The following FTO variants were observed in gnomAD, a reference collection of about 807,000 sequenced individuals.
The protein encoded by FTO is alpha-ketoglutarate-dependent dioxygenase FTO.
Under a neutral mutation model 63.9 loss-of-function variants are expected in FTO, and 47 were observed. That is an observed-to-expected ratio of 0.74 (90% confidence interval 0.58 to 0.94). The LOEUF (loss-of-function observed/expected upper bound fraction) is 0.94. Among genes scored for constraint, FTO ranks in the 40% least tolerant of loss-of-function variants. The pLI is 0.00. For missense variants in FTO, 562 were observed against 618.1 expected, an observed-to-expected ratio of 0.91 and a Z score of 0.96; for synonymous variants, 207 against 224.4, an observed-to-expected ratio of 0.92 and a Z score of 0.69.
chr16:53,850,009 A>C (rs2079742924), intron 4 of FTO, among the ~76,000 whole-genome samples: 1 of 152,226 alleles, frequency 6.6e-6, no homozygotes, highest in African/African-American at 2.4e-5. Flanking sequence ...AGTACACATA[A>C]TTTATGGCTT....
At chr16:53,832,390 C>T (rs1468231769) in intron 3 of FTO, among the ~76,000 whole-genome samples, 1 of 152,152 alleles carries the variant, frequency 6.6e-6, no homozygotes, top group Non-Finnish European at 1.5e-5. Context: ...CTTTGCAATT[C>T]CTCTTCCTGA....
chr16:53,722,411 G>C (rs2076061365), intron 1 of FTO, among the ~76,000 whole-genome samples: 1 of 152,148 alleles, frequency 6.6e-6, no homozygotes, highest in Non-Finnish European at 1.5e-5. Flanking sequence ...TTGTCAAATG[G>C]AAACATGTAT....
chr16:53,821,200 G>T (rs1174697237), intron 2 of FTO, among the ~76,000 whole-genome samples: 1 of 152,102 alleles, frequency 6.6e-6, no homozygotes, highest in African/African-American at 2.4e-5. Context: ...TCCTTTCTTA[G>T]TCCCAGAGGG....
intron 1 of FTO, among the ~76,000 whole-genome samples, chr16:53,721,595 T>C (rs776480277): frequency 8.5e-5 from 13 of 152,192 alleles, no homozygotes; most frequent in Non-Finnish European, 1.5e-4. Flanking sequence ...ATCAAGTAAG[T>C]CTCTTTTACT....
chr16:54,002,097 T>C (rs1380905951), intron 8 of FTO, among the ~76,000 whole-genome samples: 1 of 152,228 alleles, frequency 6.6e-6, no homozygotes, highest in African/African-American at 2.4e-5. Context: ...TGTCCAGCAG[T>C]CCTTTTATCT....
intron 8 of FTO, among the ~76,000 whole-genome samples, chr16:54,018,409 G>GATAGATACATACATAC (rs1474063795): frequency 1.4e-5 from 2 of 142,144 alleles, no homozygotes; most frequent in African/African-American, 5.5e-5. Flanking sequence ...TAGATAGATA[G>GATAGATACATACATAC]ATACATACAT....
intron 4 of FTO, among the ~76,000 whole-genome samples, chr16:53,872,837 C>T (rs1334468924): frequency 6.6e-6 from 1 of 152,126 alleles, no homozygotes; most frequent in Non-Finnish European, 1.5e-5. Flanking sequence ...GATGCCATTG[C>T]TGGAAACATT....
intron 8 of FTO, among the ~76,000 whole-genome samples, chr16:54,049,017 T>A (rs1265093020): frequency 6.6e-6 from 1 of 152,200 alleles, no homozygotes; most frequent in Non-Finnish European, 1.5e-5. Flanking sequence ...TTTCATTCTT[T>A]CTTTCTTTTT....
At chr16:53,982,086 AAAC>A (rs1365051284) in intron 8 of FTO, among the ~76,000 whole-genome samples, 6 of 151,644 alleles carry the variant, frequency 4.0e-5, no homozygotes, top group Non-Finnish European at 7.4e-5. Context: ...TTAAAAAAAA[AAAC>A]AAAAAACAAG....
At chr16:53,995,815 A>C (rs566985840) in intron 8 of FTO, among the ~76,000 whole-genome samples, 32 of 152,272 alleles carry the variant, frequency 2.1e-4, no homozygotes, top group African/African-American at 7.5e-4. Flanking sequence ...GGGTTAAGCC[A>C]GTCATCGAAT....
intron 7 of FTO, among the ~76,000 whole-genome samples, chr16:53,923,974 G>A (rs1331343036): frequency 2.0e-5 from 3 of 152,050 alleles, no homozygotes; most frequent in African/African-American, 4.8e-5. Context: ...GAGAGAGATG[G>A]GAGATATGGT....
chr16:54,035,662 A>G (rs1160321934), intron 8 of FTO, among the ~76,000 whole-genome samples: 6 of 152,190 alleles, frequency 3.9e-5, no homozygotes. Flanking sequence ...GTGTGTTTCA[A>G]GGCCTTTTCA....
At chr16:53,947,253 G>A (rs1567463284) in intron 8 of FTO, among the ~76,000 whole-genome samples, 1 of 152,176 alleles carries the variant, frequency 6.6e-6, no homozygotes, top group Non-Finnish European at 1.5e-5. Flanking sequence ...AATCCCTGGT[G>A]GTTTCACTTT....
upstream of FTO, chr16:53,704,081 GC>G (rs1302930533): frequency 3.3e-6 from 4 of 1,200,612 alleles, no homozygotes; most frequent in Non-Finnish European, 4.8e-6. Context: ...AGGGAGAATA[GC>G]TCCAGACGGG....
At chr16:53,714,117 G>C (rs2075840564) in intron 1 of FTO, among the ~76,000 whole-genome samples, 1 of 152,214 alleles carries the variant, frequency 6.6e-6, no homozygotes, top group African/African-American at 2.4e-5. Context: ...AAACCAAGTA[G>C]AAAATTCAGT....
chr16:53,710,479 G>A (rs1222262180), intron 1 of FTO, among the ~76,000 whole-genome samples: 1 of 152,036 alleles, frequency 6.6e-6, no homozygotes, highest in African/African-American at 2.4e-5. Flanking sequence ...TGGCCAGCCT[G>A]ATCTCGAACT....
At chr16:53,947,559 C>T (rs551294517) in intron 8 of FTO, among the ~76,000 whole-genome samples, 12 of 152,206 alleles carry the variant, frequency 7.9e-5, no homozygotes, top group East Asian at 7.7e-4. Flanking sequence ...CTGGCTTGAA[C>T]GAGCATTTTA....
intron 8 of FTO, among the ~76,000 whole-genome samples, chr16:53,996,563 T>C (rs1396685236): frequency 1.3e-5 from 2 of 152,164 alleles, no homozygotes; most frequent in African/African-American, 2.4e-5. Flanking sequence ...GACTAGTGAG[T>C]AAACAATTAC....
chr16:54,070,086 A>G (rs1312683064), intron 8 of FTO: 1 of 152,018 alleles, frequency 6.6e-6, no homozygotes, highest in African/African-American at 2.4e-5. Context: ...AGTGCCTGGC[A>G]TCTAGTAAGC....
Sources: gnomAD v4.1 joint callset for allele counts (sites outside exome capture counted in the v4.1 genomes callset) on GRCh38, gnomAD v4.1.1 for gene constraint, MANE v1.5 for transcripts, NCBI Gene and HGNC (gene_info 2026-07-23, HGNC 2026-07-21) for gene names.